Variants in GDPD1 observed in about 807,000 individuals in gnomAD.
GDPD1 encodes glycerophosphodiester phosphodiesterase domain containing 1.
A neutral mutation model predicts 45.1 loss-of-function variants in GDPD1; 28 were observed. The observed-to-expected ratio is 0.62, with a 90% CI of 0.46 to 0.85. The LOEUF (loss-of-function observed/expected upper bound fraction) is 0.85. Among genes scored for constraint, GDPD1 ranks in the 40% least tolerant of loss-of-function variants. GDPD1 has a pLI of 0.00. For missense variants in GDPD1, 256 were observed against 364.8 expected (o/e 0.70, Z 2.43); for synonymous variants, 139 against 131.4 (o/e 1.06, Z -0.40).
intron 1 of GDPD1, among the ~76,000 whole-genome samples, chr17:59,223,914 A>C (rs952936806): frequency 6.6e-6 from 1 of 151,908 alleles, no homozygotes; most frequent in African/African-American, 2.4e-5. Context: ...CCGTCAGGGC[A>C]CTCCGAGGGG....
intron 1 of GDPD1, among the ~76,000 whole-genome samples, chr17:59,229,785 G>GA (rs1316613924): frequency 6.6e-6 from 1 of 152,106 alleles, no homozygotes; most frequent in Non-Finnish European, 1.5e-5. Flanking sequence ...AGGGAAAAAA[G>GA]ACTCTTCCAG....
intron 2 of GDPD1, among the ~76,000 whole-genome samples, chr17:59,237,900 T>A (rs1356642958): frequency 7.1e-6 from 1 of 140,964 alleles, no homozygotes; most frequent in African/African-American, 2.7e-5. Context: ...CAAAGCCCCA[T>A]CTCTACTAAA....
chr17:59,255,777 ATATATATACGCGTATATATG>A (rs1568346693), intron 4 of GDPD1, among the ~76,000 whole-genome samples: 6 of 85,380 alleles, frequency 7.0e-5, no homozygotes, highest in Admixed American at 1.2e-4. Flanking sequence ...ATATATATAT[ATATATATACGCGTATATATG>A]TATATATATA....
intron 2 of GDPD1, among the ~76,000 whole-genome samples, chr17:59,244,943 C>A (rs1272119451): frequency 3.9e-5 from 6 of 152,110 alleles, no homozygotes; most frequent in African/African-American, 1.2e-4. Context: ...ATGCAATGAG[C>A]CATGATCATG....
chr17:59,236,117 TA>T (rs2047130175), intron 2 of GDPD1, among the ~76,000 whole-genome samples: 2 of 152,180 alleles, frequency 1.3e-5, no homozygotes, highest in African/African-American at 4.8e-5. Flanking sequence ...TTTTTCTCCA[TA>T]TTTTTTTGTT....
At chr17:59,259,593 A>G (rs36029650) in intron 6 of GDPD1, among the ~76,000 whole-genome samples, 10 of 134,144 alleles carry the variant, frequency 7.5e-5, no homozygotes, top group Middle Eastern at 3.8e-3. Context: ...AAAAAAAAAT[A>G]CAAAAAATAG....
chr17:59,225,163 C>T (rs1481841541), intron 1 of GDPD1, among the ~76,000 whole-genome samples: 1 of 144,640 alleles, frequency 6.9e-6, no homozygotes, highest in African/African-American at 2.6e-5. Context: ...ATGATCTCGG[C>T]TCACTGCAAC....
chr17:59,241,026 G>A (rs1165603754), intron 2 of GDPD1, among the ~76,000 whole-genome samples: 1 of 152,122 alleles, frequency 6.6e-6, no homozygotes, highest in Non-Finnish European at 1.5e-5. Flanking sequence ...TGTTACATTT[G>A]CCTGTAGTAT....
chr17:59,255,778 T>C (rs1191659492), intron 4 of GDPD1, among the ~76,000 whole-genome samples: 57 of 77,126 alleles, frequency 7.4e-4, no homozygotes, highest in Non-Finnish European at 1.1e-3. Flanking sequence ...TATATATATA[T>C]ATATATACGC....
intron 1 of GDPD1, among the ~76,000 whole-genome samples, chr17:59,231,661 G>C (rs1302224239): frequency 6.6e-6 from 1 of 151,770 alleles, no homozygotes; most frequent in Non-Finnish European, 1.5e-5. Context: ...GATAAACAGA[G>C]GTGTGGGTGT....
chr17:59,225,744 C>G (rs573812933), intron 1 of GDPD1, among the ~76,000 whole-genome samples: 2 of 151,802 alleles, frequency 1.3e-5, no homozygotes, highest in African/African-American at 4.8e-5. Flanking sequence ...TTTTTTGAGA[C>G]GAAGTCTTGC....
chr17:59,236,645 G>A (rs1001742283), intron 2 of GDPD1, among the ~76,000 whole-genome samples: 2 of 151,982 alleles, frequency 1.3e-5, no homozygotes, highest in East Asian at 1.9e-4. Context: ...AGAGGTGCCC[G>A]CCACCTCTCT....
rs531393999 is a variant in GDPD1 at position 59,267,394 on chromosome 17, G to C, written c.710+220G>C. ...GATTATGATTTTCTGTGCCTGTATA[G>C]TCAGAAATCAGATAAAAGGAATTTA... On this transcript the variant is annotated intron_variant, in intron 7 of 9. Coordinates refer to ENST00000284116, the MANE Select transcript of GDPD1 (RefSeq NM_182569.4). Among the ~76,000 whole-genome samples, 257 of 152,198 alleles carry C rather than the reference G, an allele frequency of 1.7e-3. 2 individuals carry two copies. The highest frequency in any genetic ancestry group is 2.9e-3 in the Non-Finnish European group (194 of 68,006).
intron 3 of GDPD1, 74 bp downstream of exon 3, chr17:59,245,623 T>A: frequency 1.8e-6 from 2 of 1,141,236 alleles, no homozygotes; most frequent in African/African-American, 1.6e-5. Flanking sequence ...AAATAGCGAA[T>A]ATCAGCAAAA....
At chr17:59,270,745 CA>C (rs934014846) in intron 7 of GDPD1, among the ~76,000 whole-genome samples, 190 bp from the exon 8 acceptor site, 4 of 151,934 alleles carry the variant, frequency 2.6e-5, no homozygotes, top group African/African-American at 9.7e-5. Context: ...ATAGGGATGG[CA>C]AAAAGTTAGC....
At chr17:59,257,280 A>G (rs2047316803) in intron 5 of GDPD1, 40 bp downstream of exon 5, 1 of 1,016,372 alleles carries the variant, frequency 9.8e-7, no homozygotes, top group African/African-American at 1.6e-5. Flanking sequence ...GTTGCATCCT[A>G]TTTCACAAAC....
intron 1 of GDPD1, among the ~76,000 whole-genome samples, chr17:59,231,208 T>G (rs1261805668): frequency 6.6e-6 from 1 of 152,166 alleles, no homozygotes; most frequent in Non-Finnish European, 1.5e-5. Context: ...GCTGACATTC[T>G]CATCAAAAAT....
chr17:59,229,157 TATTATTATTA>T, intron 1 of GDPD1, among the ~76,000 whole-genome samples: 1 of 142,820 alleles, frequency 7.0e-6, no homozygotes, highest in Admixed American at 6.9e-5. Context: ...TTATTATTAT[TATTATTATTA>T]TTTTGAGACA....
At chr17:59,241,961 A>T (rs1040149888) in intron 2 of GDPD1, among the ~76,000 whole-genome samples, 2 of 152,160 alleles carry the variant, frequency 1.3e-5, no homozygotes, top group Admixed American at 1.3e-4. Context: ...CTCAGTGTTT[A>T]TTAGATTAAA....
Sources: gnomAD v4.1 joint callset for allele counts (sites outside exome capture counted in the v4.1 genomes callset) on GRCh38, gnomAD v4.1.1 for gene constraint, MANE v1.5 for transcripts, NCBI Gene and HGNC (gene_info 2026-07-23, HGNC 2026-07-21) for gene names.